NR2F1-AS1: variants seen among roughly 807,000 people sequenced by gnomAD.
NR2F1-AS1 encodes NR2F1 regulatory antisense RNA 1, also known as NR2F1 antisense RNA 1.
intron 4 of NR2F1-AS1, among the ~76,000 whole-genome samples, chr5:93,433,634 C>G (rs1264634600): frequency 2.0e-5 from 3 of 152,164 alleles, no homozygotes; most frequent in African/African-American, 7.2e-5. Context: ...AGAGATGGTA[C>G]TGACTCAGTA....
intron 4 of NR2F1-AS1, among the ~76,000 whole-genome samples, chr5:93,493,570 A>G (rs1580274491): frequency 6.6e-6 from 1 of 152,110 alleles, no homozygotes; most frequent in East Asian, 1.9e-4. Context: ...ATATGGTTGG[A>G]AGACTCAAAA....
At chr5:93,444,542 T>G (rs550775740) in intron 4 of NR2F1-AS1, among the ~76,000 whole-genome samples, 2 of 152,230 alleles carry the variant, frequency 1.3e-5, no homozygotes, top group African/African-American at 4.8e-5. Context: ...GCACCCAGAT[T>G]CATAAAGTAA....
intron 4 of NR2F1-AS1, among the ~76,000 whole-genome samples, chr5:93,484,561 A>G (rs965269088): frequency 2.0e-5 from 3 of 152,100 alleles, no homozygotes; most frequent in Non-Finnish European, 4.4e-5. Flanking sequence ...CAAAATAACC[A>G]CCTAGCATCA....
chr5:93,447,340 C>T (rs1749734946), intron 4 of NR2F1-AS1, among the ~76,000 whole-genome samples: 3 of 152,106 alleles, frequency 2.0e-5, no homozygotes, highest in Admixed American at 2.0e-4. Context: ...CTACAAAGAA[C>T]TTAAACAAAT....
intron 1 of NR2F1-AS1, among the ~76,000 whole-genome samples, chr5:93,576,221 G>A (rs1479873027): frequency 6.6e-6 from 1 of 152,162 alleles, no homozygotes; most frequent in Non-Finnish European, 1.5e-5. Flanking sequence ...AGCTTCAGAA[G>A]ACTTTATGCA....
In NR2F1-AS1 at chr5:93,445,514, G is replaced by A. The variant is rs899978808; in HGVS notation, n.639-49972C>T. ...TAAACCAGGAAGAAGTTGAATCCCT[G>A]AATAGACCAACAACAGGCTCTGAAA... On this transcript the variant is annotated intron_variant and non_coding_transcript_variant, in intron 4 of 5. Transcript: ENST00000660523. 4.0e-5 allele frequency among the ~76,000 whole-genome samples: 6 copies of A among 151,742 alleles called. No homozygotes were observed. The South Asian group carries it at 6.2e-4, about 16-fold the overall frequency.
At chr5:93,474,730 C>G (rs987048693) in intron 4 of NR2F1-AS1, among the ~76,000 whole-genome samples, 4 of 152,206 alleles carry the variant, frequency 2.6e-5, no homozygotes, top group Non-Finnish European at 4.4e-5. Flanking sequence ...CTAATCATGA[C>G]TCTCATGACT....
At chr5:93,567,876 C>T (rs10042892) in intron 1 of NR2F1-AS1, among the ~76,000 whole-genome samples, 108,155 of 152,132 alleles carry the variant, frequency 0.71, 38,965 homozygotes, top group East Asian at 0.85. Flanking sequence ...AGGAGATGAA[C>T]GTTTTTAAAT....
chr5:93,577,928 C>A (rs1752932083), intron 1 of NR2F1-AS1, among the ~76,000 whole-genome samples: 1 of 152,152 alleles, frequency 6.6e-6, no homozygotes, highest in Non-Finnish European at 1.5e-5. Context: ...CTACACATAT[C>A]TGATCATTTG....
At chr5:93,476,424 G>A (rs1384243334) in intron 4 of NR2F1-AS1, among the ~76,000 whole-genome samples, 1 of 152,108 alleles carries the variant, frequency 6.6e-6, no homozygotes, top group Non-Finnish European at 1.5e-5. Context: ...GATAAGGAAA[G>A]GCTGAATTCA....
chr5:93,501,319 TTTGTTG>T (rs138163412), intron 4 of NR2F1-AS1, among the ~76,000 whole-genome samples: 24 of 141,444 alleles, frequency 1.7e-4, no homozygotes, highest in East Asian at 6.3e-4. Context: ...TAGTAAGGTT[TTTGTTG>T]TTGTTGTTGT....
At chr5:93,480,787 C>G (rs1381675630) in intron 4 of NR2F1-AS1, among the ~76,000 whole-genome samples, 1 of 151,964 alleles carries the variant, frequency 6.6e-6, no homozygotes, top group Non-Finnish European at 1.5e-5. Context: ...ATGTATGCTG[C>G]TGAAGTTAAG....
chr5:93,445,204 G>A (rs983477352), intron 4 of NR2F1-AS1, among the ~76,000 whole-genome samples: 5 of 152,104 alleles, frequency 3.3e-5, no homozygotes, highest in Non-Finnish European at 5.9e-5. Flanking sequence ...TAAGATCAGA[G>A]CAGAACTGAA....
intron 3 of NR2F1-AS1, among the ~76,000 whole-genome samples, chr5:93,554,409 T>G (rs1752302113): frequency 6.6e-6 from 1 of 152,182 alleles, no homozygotes; most frequent in Non-Finnish European, 1.5e-5. Flanking sequence ...TCATTCTTGT[T>G]AATACCGAGG....
chr5:93,458,874 T>TG (rs1750021785), intron 4 of NR2F1-AS1, among the ~76,000 whole-genome samples: 1 of 151,846 alleles, frequency 6.6e-6, no homozygotes, highest in Admixed American at 6.6e-5. Flanking sequence ...TAGCTGGGTA[T>TG]GGTGGCGCAT....
At chr5:93,558,926 G>C (rs1399840154) in intron 2 of NR2F1-AS1, among the ~76,000 whole-genome samples, 1 of 152,196 alleles carries the variant, frequency 6.6e-6, no homozygotes, top group Non-Finnish European at 1.5e-5. Flanking sequence ...GGAAGATTTA[G>C]CATAATTCTT....
At chr5:93,441,079 T>C (rs987366120) in intron 4 of NR2F1-AS1, among the ~76,000 whole-genome samples, 13 of 152,212 alleles carry the variant, frequency 8.5e-5, no homozygotes, top group Non-Finnish European at 8.8e-5. Flanking sequence ...ACTTTAGAGA[T>C]AACATAAAGT....
At chr5:93,495,473 T>C (rs1355907820) in intron 4 of NR2F1-AS1, among the ~76,000 whole-genome samples, 1 of 152,146 alleles carries the variant, frequency 6.6e-6, no homozygotes, top group Non-Finnish European at 1.5e-5. Context: ...AAAATTCTAA[T>C]TAAGCTGCAA....
At chr5:93,467,371 T>C (rs1250979918) in intron 4 of NR2F1-AS1, among the ~76,000 whole-genome samples, 2 of 152,116 alleles carry the variant, frequency 1.3e-5, no homozygotes, top group Non-Finnish European at 2.9e-5. Context: ...AACTATGCCA[T>C]TCACTCTTCA....
Sources: gnomAD v4.1 joint callset for allele counts (sites outside exome capture counted in the v4.1 genomes callset) on GRCh38, gnomAD v4.1.1 for gene constraint, MANE v1.5 for transcripts, NCBI Gene and HGNC (gene_info 2026-07-23, HGNC 2026-07-21) for gene names.